The following ADAMTS17 variants were observed in gnomAD, a reference collection of about 807,000 sequenced individuals.
ADAMTS17 encodes the protein ADAM metallopeptidase with thrombospondin type 1 motif 17.
ADAMTS17 carries 113 observed loss-of-function variants against 141.5 expected under a neutral mutation model. That is an observed-to-expected ratio of 0.80 (90% CI 0.69 to 0.93). The LOEUF is 0.93. Among genes scored for constraint, ADAMTS17 ranks in the 40% least tolerant of loss-of-function variants. The probability of loss-of-function intolerance (pLI) is 0.00; values close to 1 mark genes in which losing one functional copy is unlikely to be tolerated. For synonymous variants in ADAMTS17, 768 were observed against 630.6 expected (o/e 1.22, Z -3.27); for missense variants, 1,659 against 1,517.9 (o/e 1.09, Z -1.54).
At chr15:100,145,652 G>A (rs369861247) in intron 10 of ADAMTS17, among the ~76,000 whole-genome samples, 3 of 152,132 alleles carry the variant, frequency 2.0e-5, no homozygotes, top group South Asian at 4.1e-4. Context: ...CTAATGTAAT[G>A]AGAATTGTAT....
intron 15 of ADAMTS17, among the ~76,000 whole-genome samples, chr15:100,090,248 A>T (rs1210108056): frequency 6.6e-6 from 1 of 152,234 alleles, no homozygotes; most frequent in Non-Finnish European, 1.5e-5. Flanking sequence ...GTTCGGGGTC[A>T]AAGTGATTAG....
At chr15:100,138,846 AC>A (rs904358636) in intron 10 of ADAMTS17, among the ~76,000 whole-genome samples, 3 of 152,134 alleles carry the variant, frequency 2.0e-5, no homozygotes, top group Admixed American at 6.5e-5. Flanking sequence ...CCCTCGTGTG[AC>A]CCCCTCCTCT....
chr15:100,098,871 G>A (rs2035926846), intron 14 of ADAMTS17, among the ~76,000 whole-genome samples: 2 of 152,160 alleles, frequency 1.3e-5, no homozygotes, highest in African/African-American at 4.8e-5. Flanking sequence ...TCTCCCACTG[G>A]CCTCTTTCCT....
chr15:100,000,882 G>C (rs938302896), intron 18 of ADAMTS17, among the ~76,000 whole-genome samples: 1 of 152,142 alleles, frequency 6.6e-6, no homozygotes, highest in Admixed American at 6.5e-5. Context: ...TCAAATAAAG[G>C]AGACATCTTT....
At chr15:100,107,837 G>A (rs2036501205) in intron 14 of ADAMTS17, among the ~76,000 whole-genome samples, 1 of 152,150 alleles carries the variant, frequency 6.6e-6, no homozygotes, top group African/African-American at 2.4e-5. Context: ...TTCATAAGCT[G>A]CCTGGTCTAT....
chr15:100,231,377 C>T (rs1353362936), intron 7 of ADAMTS17, among the ~76,000 whole-genome samples: 2 of 152,268 alleles, frequency 1.3e-5, no homozygotes, highest in African/African-American at 4.8e-5. Flanking sequence ...AAGACAATTC[C>T]CAGTGTGCAT....
chr15:100,143,571 A>G (rs1323149118), intron 10 of ADAMTS17, among the ~76,000 whole-genome samples: 2 of 152,256 alleles, frequency 1.3e-5, no homozygotes, highest in African/African-American at 4.8e-5. Flanking sequence ...GTATTTGCCA[A>G]TAACTTTTGC....
chr15:100,061,248 G>A (rs971165670), intron 15 of ADAMTS17, among the ~76,000 whole-genome samples: 3 of 152,194 alleles, frequency 2.0e-5, no homozygotes, highest in African/African-American at 7.2e-5. Context: ...GAGGCTCCAT[G>A]AACGGCAGCG....
chr15:100,218,553 G>C (rs554295994), intron 7 of ADAMTS17, among the ~76,000 whole-genome samples: 19 of 152,280 alleles, frequency 1.2e-4, no homozygotes, highest in African/African-American at 4.6e-4. Context: ...CCACCAGAAT[G>C]ACTATAATCA....
chr15:100,072,636 G>A (rs1171654548), intron 15 of ADAMTS17, among the ~76,000 whole-genome samples: 1 of 152,142 alleles, frequency 6.6e-6, no homozygotes, highest in Non-Finnish European at 1.5e-5. Context: ...TGACAAACCT[G>A]ACAAAAACAA....
At chr15:100,120,502 C>T (rs1021241433) in intron 12 of ADAMTS17, among the ~76,000 whole-genome samples, 2 of 152,230 alleles carry the variant, frequency 1.3e-5, no homozygotes, top group Non-Finnish European at 2.9e-5. Context: ...CTGTAACCTC[C>T]ACCAGGTGAA....
At chr15:100,329,592 T>G (rs1567544099) in intron 3 of ADAMTS17, among the ~76,000 whole-genome samples, 1 of 151,594 alleles carries the variant, frequency 6.6e-6, no homozygotes, top group Non-Finnish European at 1.5e-5. Flanking sequence ...CCAAAGACCC[T>G]GTTTCCTATT....
At chr15:100,249,905 G>A (rs1437510769) in intron 7 of ADAMTS17, among the ~76,000 whole-genome samples, 1 of 152,174 alleles carries the variant, frequency 6.6e-6, no homozygotes, top group African/African-American at 2.4e-5. Flanking sequence ...TACTGAGGGT[G>A]GGGGTTAGGC....
intron 12 of ADAMTS17, among the ~76,000 whole-genome samples, chr15:100,119,685 G>C (rs1384532852): frequency 1.3e-5 from 2 of 152,236 alleles, no homozygotes; most frequent in African/African-American, 2.4e-5. Context: ...AAGTGGGTCT[G>C]GAGGCGGAGC....
Position 100,112,076 on chromosome 15 carries a change from G to T in ADAMTS17, c.1889-2960C>A, listed in dbSNP as rs182295349. Among the ~76,000 whole-genome samples the T allele has an allele frequency of 4.6e-3, 702 of 152,334 alleles. 22 individuals carry two copies. Among genetic ancestry groups the T allele is most frequent in the Non-Finnish European group, 7.6e-4 (52 of 68,034 alleles). On this transcript the variant is annotated intron_variant, in intron 13 of 21. Coordinates refer to ENST00000268070, the MANE Select transcript of ADAMTS17 (RefSeq NM_139057.4). ...CGAGTAGAAGTGGAAGTGGGACTTG[G>T]GTAGAAAAGCAGAGGCTGTTTTGAG...
At chr15:100,111,629 G>A (rs1289162872) in intron 13 of ADAMTS17, among the ~76,000 whole-genome samples, 1 of 152,216 alleles carries the variant, frequency 6.6e-6, no homozygotes, top group African/African-American at 2.4e-5. Context: ...TGGCTGAAGT[G>A]GTTTGAAACT....
intron 4 of ADAMTS17, among the ~76,000 whole-genome samples, chr15:100,273,348 AG>A (rs2043977700): frequency 1.3e-5 from 2 of 152,056 alleles, no homozygotes; most frequent in African/African-American, 4.8e-5. Context: ...CTTTATTAGG[AG>A]GTTTTTGATT....
At chr15:100,302,921 C>T (rs926972738) in intron 3 of ADAMTS17, among the ~76,000 whole-genome samples, 7 of 151,966 alleles carry the variant, frequency 4.6e-5, no homozygotes, top group Non-Finnish European at 1.0e-4. Context: ...GAGAAACTGG[C>T]CTGGCCTCCC....
rs773041501 is a variant in ADAMTS17, at chr15:100,341,008, C to T, written c.450+31G>A. 3.9e-6 allele frequency: 6 copies of T among 1,524,074 alleles called. No individual in the cohort carries two copies. The South Asian group carries it at 6.0e-5, about 15-fold the overall frequency. The allele number at this position is 1,524,074 out of a possible 1,614,324, so 94.4% of individuals were successfully genotyped here. On this transcript the variant is annotated intron_variant, in intron 2 of 21. Transcript: ENST00000268070. The stretch of plus-strand genomic sequence containing the variant: ...CCACTCTGCGTCGCAACAGACCGGA[C>T]GGGCCGACCCGGAGGTGGCGCGGGC...
Sources: gnomAD v4.1 joint callset for allele counts (sites outside exome capture counted in the v4.1 genomes callset) on GRCh38, gnomAD v4.1.1 for gene constraint, MANE v1.5 for transcripts, NCBI Gene and HGNC (gene_info 2026-07-23, HGNC 2026-07-21) for gene names.